CASZ1: variants seen among roughly 807,000 people sequenced by gnomAD.
The protein encoded by CASZ1 is castor zinc finger 1.
In CASZ1, 28 loss-of-function variants were observed where a neutral mutation model predicts 135.2. The ratio of observed to expected loss-of-function variants is 0.21; its 90% CI spans 0.15 to 0.28. The LOEUF (loss-of-function observed/expected upper bound fraction) is 0.28. CASZ1 is among the 10% of genes least tolerant of loss of function. The probability of loss-of-function intolerance (pLI) is 1.00; values close to 1 mark genes in which losing one functional copy is unlikely to be tolerated. For synonymous variants in CASZ1, 1,068 were observed against 1,073.4 expected (o/e 0.99, Z 0.10); for missense variants, 2,161 against 2,453.3 (o/e 0.88, Z 2.52).
chr1:10,740,145 C>T (rs551716120), intron 2 of CASZ1, among the ~76,000 whole-genome samples: 6 of 152,326 alleles, frequency 3.9e-5, no homozygotes, highest in Admixed American at 1.3e-4. Context: ...TACGAGTTAC[C>T]GATTCTATGT....
Position 10,779,286 on chromosome 1 carries a change from T to A in CASZ1, c.-234+17278A>T, listed in dbSNP as rs1200741971. 4.0e-4 allele frequency among the ~76,000 whole-genome samples: 60 copies of A among 149,920 alleles called. 1 individual carries two copies. In the South Asian group the frequency reaches 0.013, roughly 32 times the overall value. ...CTATCTCATAATTTTATAATTTTTT[T>A]TTTTTTTTTTTTTTTAGCACACTGG... On this transcript the variant is annotated intron_variant, in intron 1 of 20. Transcript: ENST00000377022.
chr1:10,716,522 T>C (rs1192095292), intron 2 of CASZ1, among the ~76,000 whole-genome samples: 1 of 152,232 alleles, frequency 6.6e-6, no homozygotes, highest in Non-Finnish European at 1.5e-5. Context: ...TGAGGGTGGC[T>C]GCACTTGAGC....
chr1:10,742,671 G>A (rs1365607467), intron 2 of CASZ1, among the ~76,000 whole-genome samples: 1 of 152,162 alleles, frequency 6.6e-6, no homozygotes, highest in African/African-American at 2.4e-5. Flanking sequence ...GAGAGGAAGG[G>A]GAATGGGTTG....
chr1:10,690,947 C>T (rs958161660), intron 4 of CASZ1, among the ~76,000 whole-genome samples: 1 of 152,164 alleles, frequency 6.6e-6, no homozygotes, highest in African/African-American at 2.4e-5. Context: ...CTGGGAGCTT[C>T]CCAACTGCAG....
intron 5 of CASZ1, among the ~76,000 whole-genome samples, chr1:10,662,228 AAC>A (rs1000487971): frequency 7.7e-6 from 1 of 130,144 alleles, no homozygotes; most frequent in Non-Finnish European, 1.6e-5. Context: ...AATCACATAA[AAC>A]ACACACATAC....
At position 10,653,527 on chromosome 1, in the gene CASZ1, C is replaced by A; in HGVS notation, c.2530G>T (p.Ala844Ser). Residue 844 changes from alanine to serine, a missense_variant, in exon 11 of 21, where the codon GCT (alanine) becomes TCT (serine). Around this residue, in one of 7 missense-constraint regions of CASZ1, gnomAD observed 406 missense variants for 387.6 expected, o/e 1.05. Transcript: ENST00000377022. ...GCAGCCACGGGGGCTGAGTCTCCAG[C>A]TCCCGAGGCGACCAGCGTGGGTGTG... is the stretch of plus-strand genomic sequence containing the variant. ...PDTPTLVASG[A>S]GDSAPVAAAS... The A allele has an allele frequency of 1.9e-6, 3 of 1,604,824 alleles. No homozygotes were observed. The highest frequency in any genetic ancestry group is 2.6e-6 in the Non-Finnish European group (3 of 1,174,614).
chr1:10,702,828 T>C (rs1449032864), intron 3 of CASZ1, among the ~76,000 whole-genome samples: 1 of 152,188 alleles, frequency 6.6e-6, no homozygotes, highest in African/African-American at 2.4e-5. Context: ...GGTTAGATTA[T>C]AAGCATATTG....
intron 8 of CASZ1, 99 bp from the exon 9 acceptor site, chr1:10,655,912 CTCCCTAG>C: frequency 1.6e-6 from 2 of 1,281,866 alleles, no homozygotes. Context: ...GGCCTCAGGT[CTCCCTAG>C]AAAGAACCCT....
intron 1 of CASZ1, among the ~76,000 whole-genome samples, chr1:10,789,873 T>A (rs1311317414): frequency 6.6e-6 from 1 of 152,144 alleles, no homozygotes; most frequent in Non-Finnish European, 1.5e-5. Context: ...AACGTGCAGC[T>A]CTTAAACGCT....
chr1:10,795,179 C>T (rs1641041437), intron 1 of CASZ1, among the ~76,000 whole-genome samples: 1 of 151,380 alleles, frequency 6.6e-6, no homozygotes, highest in Non-Finnish European at 1.5e-5. Context: ...CGGGAGATCC[C>T]TGACTCGGTC....
chr1:10,662,556 CTA>C (rs1203240250), intron 5 of CASZ1, among the ~76,000 whole-genome samples: 1 of 149,374 alleles, frequency 6.7e-6, no homozygotes, highest in Non-Finnish European at 1.5e-5. Context: ...CACACACACT[CTA>C]CACACCCAGT....
intron 1 of CASZ1, among the ~76,000 whole-genome samples, chr1:10,770,429 A>G (rs1172216823): frequency 6.6e-6 from 1 of 152,160 alleles, no homozygotes; most frequent in Non-Finnish European, 1.5e-5. Context: ...AATGCACATG[A>G]GCATAACTTG....
In CASZ1 at chr1:10,664,328, C is replaced by T. The variant is rs569614531; in HGVS notation, c.505+755G>A. On this transcript the variant is annotated intron_variant, in intron 5 of 20. Coordinates refer to ENST00000377022, the MANE Select transcript of CASZ1 (RefSeq NM_001079843.3). ...GTGGTCCTGGCGACCCCCTTGCCTG[C>T]TGGAACCCCCGGCCCACCCTCCCCT... Among the ~76,000 whole-genome samples the T allele has an allele frequency of 1.3e-3, 196 of 152,088 alleles. 1 individual carries two copies. The highest frequency in any genetic ancestry group is 4.5e-3 in the African/African-American group (186 of 41,486).
Position 10,777,644 on chromosome 1 carries a change from A to G in CASZ1, c.-233-16787T>C, listed in dbSNP as rs1197699836. ...AACACAATCTCATACACAACCACTT[A>G]CACTCATTTTCACACACAACCACAC... On this transcript the variant is annotated intron_variant, in intron 1 of 20. Coordinates refer to ENST00000377022, the MANE Select transcript of CASZ1 (RefSeq NM_001079843.3). This position sits in a 1 kb window ranked among gnomAD's most constrained non-coding sequence, Gnocchi z 4.4. Among the ~76,000 whole-genome samples the G allele has an allele frequency of 6.6e-6, 1 of 152,054 alleles. No homozygotes were observed. Among genetic ancestry groups the G allele is most frequent in the Non-Finnish European group, 1.5e-5 (1 of 67,994 alleles).
chr1:10,783,334 C>A lies in CASZ1; in HGVS notation c.-234+13230G>T, dbSNP rs1203528385. 2.0e-5 allele frequency among the ~76,000 whole-genome samples: 3 copies of A among 150,560 alleles called. No homozygotes were observed. In the East Asian group the frequency reaches 5.8e-4, roughly 29 times the overall value. On this transcript the variant is annotated intron_variant, in intron 1 of 20. Transcript: ENST00000377022. The stretch of plus-strand genomic sequence containing the variant: ...GTATATGTTTTGGGAGAGACAGGGG[C>A]TCTACCTCCCAAGAAGAAGGGCCTG...
chr1:10,730,041 C>G (rs1381090555), intron 2 of CASZ1, among the ~76,000 whole-genome samples: 3 of 152,312 alleles, frequency 2.0e-5, no homozygotes, highest in Non-Finnish European at 4.4e-5. Context: ...TCTCGAACTC[C>G]TGGCCTCAAG....
In CASZ1 at chr1:10,700,086, C is replaced by CACACACACACACACACACACACAG. The variant is rs1639029351; in HGVS notation, c.-24+5405_-24+5406insCTGTGTGTGTGTGTGTGTGTGTGT. 6.7e-6 allele frequency among the ~76,000 whole-genome samples: 1 copy of CACACACACACACACACACACACAG among 150,350 alleles called. No homozygotes were observed. The highest frequency in any genetic ancestry group is 1.5e-5 in the Non-Finnish European group (1 of 67,198). ...AGAGAGAAAGAGAGATAGAGACACA[C>CACACACACACACACACACACACAG]ACACACACACACACACACACACACA... On this transcript the variant is annotated intron_variant, in intron 3 of 20. Coordinates refer to ENST00000377022, the MANE Select transcript of CASZ1 (RefSeq NM_001079843.3). The surrounding 1 kb of genome is among the most constrained non-coding windows in gnomAD (Gnocchi z 4.2).
intron 2 of CASZ1, among the ~76,000 whole-genome samples, chr1:10,732,083 G>A (rs1639711272): frequency 1.3e-5 from 2 of 151,952 alleles, no homozygotes; most frequent in African/African-American, 2.4e-5. Flanking sequence ...CCAGCACTTT[G>A]GGAGGGTGAG....
chr1:10,654,689 C>A (rs1035792308), intron 9 of CASZ1, 98 bp from the exon 10 acceptor site: 16 of 1,179,972 alleles, frequency 1.4e-5, no homozygotes, highest in Non-Finnish European at 1.9e-5. Context: ...GACTTCCCTG[C>A]TCAGGGAAGC....
Sources: allele counts gnomAD v4.1 joint callset (sites outside exome capture counted in the v4.1 genomes callset), GRCh38; gene constraint gnomAD v4.1.1; regional missense constraint gnomAD v4.1.1; non-coding constraint Gnocchi (gnomAD v3.1); transcripts MANE v1.5; gene names NCBI Gene and HGNC (gene_info 2026-07-23, HGNC 2026-07-21).